The following USP15 variants were observed in gnomAD, a reference collection of about 807,000 sequenced individuals.
USP15 encodes ubiquitin specific peptidase 15.
A neutral mutation model predicts 127.1 loss-of-function variants in USP15; 18 were observed. That is an observed-to-expected ratio of 0.14 (90% CI 0.10 to 0.21). USP15 has a LOEUF of 0.21. Ranked by LOEUF, USP15 falls within the 10% of genes least tolerant of loss-of-function variation. The pLI, the probability that USP15 is intolerant of heterozygous loss-of-function variation, is 1.00. For synonymous variants in USP15, 364 were observed against 393.7 expected (o/e 0.92, Z 0.89); for missense variants, 805 against 1,159.9 (o/e 0.69, Z 4.44).
intron 8 of USP15, among the ~76,000 whole-genome samples, chr12:62,356,214 GTC>G (rs2066125162): frequency 1.3e-5 from 2 of 151,518 alleles, no homozygotes; most frequent in South Asian, 4.1e-4. Flanking sequence ...TTTTTCGTCA[GTC>G]TCTTGTGAAT....
chr12:62,301,184 A>AC (rs1368251985), intron 2 of USP15, among the ~76,000 whole-genome samples: 1 of 152,160 alleles, frequency 6.6e-6, no homozygotes, highest in East Asian at 1.9e-4. Flanking sequence ...ACTGATCCAT[A>AC]CCAAGTGTTG....
chr12:62,348,385 C>T (rs1307112793), intron 6 of USP15, among the ~76,000 whole-genome samples: 1 of 152,056 alleles, frequency 6.6e-6, no homozygotes, highest in Non-Finnish European at 1.5e-5. Context: ...TTTCATTGTT[C>T]GTTAGCATAA....
chr12:62,389,259 A>C (rs1275757317), intron 11 of USP15, among the ~76,000 whole-genome samples, 172 bp from the exon 12 acceptor site: 1 of 152,206 alleles, frequency 6.6e-6, no homozygotes, highest in Non-Finnish European at 1.5e-5. Context: ...TAAAACTAGG[A>C]CAAATTATCC....
At chr12:62,340,505 G>A (rs1348047621) in intron 6 of USP15, among the ~76,000 whole-genome samples, 1 of 152,088 alleles carries the variant, frequency 6.6e-6, no homozygotes, top group Non-Finnish European at 1.5e-5. Context: ...TATCTTTCCA[G>A]CTTTCTGATA....
At chr12:62,369,569 C>A (rs929020218) in intron 8 of USP15, among the ~76,000 whole-genome samples, 1 of 151,754 alleles carries the variant, frequency 6.6e-6, no homozygotes, top group East Asian at 1.9e-4. Context: ...CCTAAAATAT[C>A]TTGAGCAATA....
At chr12:62,292,883 G>T (rs747242581) in intron 1 of USP15, among the ~76,000 whole-genome samples, 1 of 152,186 alleles carries the variant, frequency 6.6e-6, no homozygotes, top group Non-Finnish European at 1.5e-5. Flanking sequence ...AACTAGCACT[G>T]TGCCACTGCT....
intron 3 of USP15, chr12:62,312,291 G>A: frequency 2.9e-6 from 1 of 343,828 alleles, no homozygotes. Flanking sequence ...TTCAGGGAGG[G>A]AGCATACTTG....
At chr12:62,375,485 AC>A (rs1422623572) in intron 8 of USP15, among the ~76,000 whole-genome samples, 1 of 152,086 alleles carries the variant, frequency 6.6e-6, no homozygotes, top group East Asian at 1.9e-4. Flanking sequence ...ATTGTGATAG[AC>A]CCTGAGGTAC....
chr12:62,285,480 A>ATG (rs1035024069), intron 1 of USP15, among the ~76,000 whole-genome samples: 2 of 150,678 alleles, frequency 1.3e-5, no homozygotes, highest in East Asian at 2.0e-4. Context: ...GTGTTTGTGT[A>ATG]TGTGTGTGTG....
chr12:62,298,320 TTCGAGA>T (rs1429823573), intron 2 of USP15, among the ~76,000 whole-genome samples: 1 of 150,792 alleles, frequency 6.6e-6, no homozygotes, highest in African/African-American at 2.4e-5. Flanking sequence ...AACACAGGAG[TTCGAGA>T]TCAGCTTGGG....
chr12:62,263,149 T>C (rs2063112542), intron 1 of USP15, among the ~76,000 whole-genome samples: 1 of 152,182 alleles, frequency 6.6e-6, no homozygotes, highest in Admixed American at 6.5e-5. Context: ...TTAGTTTATG[T>C]TTTTGGAACT....
intron 3 of USP15, among the ~76,000 whole-genome samples, chr12:62,306,958 G>C (rs936360360): frequency 6.6e-6 from 1 of 152,058 alleles, no homozygotes; most frequent in African/African-American, 2.4e-5. Flanking sequence ...TAATATTAAG[G>C]GTGTCTTCTC....
chr12:62,384,013 C>T lies in USP15; in HGVS notation c.1248+15C>T, dbSNP rs764466255. The stretch of plus-strand genomic sequence containing the variant: ...GGCCAGATAAGGTAAATTTCATGAT[C>T]CTATTGTCACCATTGTTATAATTTT... On this transcript the variant is annotated intron_variant, in intron 10 of 21. Transcript: ENST00000280377. 3 of 1,610,782 alleles carry T rather than the reference C, an allele frequency of 1.9e-6. No homozygotes were observed. The South Asian group carries it at 3.3e-5, about 18-fold the overall frequency.
intron 21 of USP15, among the ~76,000 whole-genome samples, chr12:62,402,699 T>C (rs2067733474): frequency 6.6e-6 from 1 of 152,034 alleles, no homozygotes; most frequent in African/African-American, 2.4e-5. Flanking sequence ...ATTTAGCGCT[T>C]AGATCAAGAA....
At position 62,415,260 on chromosome 12, in the gene USP15, C is replaced by T. The variant is rs1327487255; in HGVS notation, c.*10885C>T. ...GCAGGAAAAGACTGATGTCCCAGTT[C>T]AATCAGGCAAGAGAAATTATCCTTA... On this transcript the variant is annotated 3_prime_UTR_variant, in exon 22 of 22. Transcript: ENST00000280377. 6.6e-6 allele frequency: 1 copy of T among 152,164 alleles called. No individual in the cohort carries two copies. The highest frequency in any genetic ancestry group is 6.5e-5 in the Admixed American group (1 of 15,270). 9.4% of individuals were successfully genotyped at this position (152,164 alleles called of 1,614,324 possible).
intron 2 of USP15, among the ~76,000 whole-genome samples, chr12:62,298,830 C>CAAAAAAA (rs1163091790): frequency 9.2e-5 from 6 of 65,026 alleles, no homozygotes; most frequent in African/African-American, 1.2e-4. Flanking sequence ...CCCTGTCTTG[C>CAAAAAAA]AAAAAAAAAA....
chr12:62,398,965 T>C (rs1048194160), intron 20 of USP15, among the ~76,000 whole-genome samples: 7 of 152,230 alleles, frequency 4.6e-5, no homozygotes, highest in African/African-American at 1.7e-4. Flanking sequence ...AGCTCTTCTT[T>C]CTCTGTTCCT....
Position 62,390,930 on chromosome 12 carries a change from A to C in USP15, c.1911A>C (p.Gln637His). The C allele has an allele frequency of 6.2e-7, 1 of 1,613,126 alleles. No individual in the cohort carries two copies. The highest frequency in any genetic ancestry group is 2.2e-5 in the East Asian group (1 of 44,752). ...GATCCCTACACTGCTGTAAGGACCA[A>C]AATATTAATGGGAATGGCCCAAATG... ...TEGSLHCCKD[Q>H]NINGNGPNGI... Residue 637 changes from glutamine (Q) to histidine (H), a missense_variant, in exon 15 of 22, where the codon CAA becomes CAC. Physicochemically the swap from Gln to His is conservative, Grantham distance 24. This residue lies in a region of USP15 where 225 missense variants were observed against 239.5 expected (regional missense o/e 0.94). Coordinates refer to ENST00000280377, the MANE Select transcript of USP15 (RefSeq NM_001252078.2).
In USP15 at chr12:62,391,283, C is replaced by T. The variant is rs2067316935; in HGVS notation, c.2087C>T (p.Thr696Ile). The change falls in exon 16 of 22, where the codon ACT (threonine) becomes ATT (isoleucine). Residue 696 changes from threonine (T) to isoleucine (I), a missense_variant. Transcript: ENST00000280377. ...AATGATTCTGAAAATGGATTATGTACTGAGGATACTTGCAAAGGTCAACTC... is the reference window on the plus strand; with the variant it reads ...AATGATTCTGAAAATGGATTATGTATTGAGGATACTTGCAAAGGTCAACTC... ...GDNDSENGLC[T>I]EDTCKGQLTG... is the part of the protein sequence containing the mutation. 1.2e-6 allele frequency: 2 copies of T among 1,613,578 alleles called. No homozygotes were observed. Among genetic ancestry groups the T allele is most frequent in the African/African-American group, 1.3e-5 (1 of 74,980 alleles).
Sources: allele counts gnomAD v4.1 joint callset (sites outside exome capture counted in the v4.1 genomes callset), GRCh38; gene constraint gnomAD v4.1.1; regional missense constraint gnomAD v4.1.1; transcripts MANE v1.5; gene names NCBI Gene and HGNC (gene_info 2026-07-23, HGNC 2026-07-21).